AKAP8: variants seen among roughly 807,000 people sequenced by gnomAD.
AKAP8 encodes the protein A-kinase anchor protein 8.
AKAP8 carries 24 observed loss-of-function variants against 67.5 expected under a neutral mutation model. That is an observed-to-expected ratio of 0.36 (90% CI 0.26 to 0.50). The LOEUF is 0.50. Among genes scored for constraint, AKAP8 ranks in the 20% least tolerant of loss-of-function variants. The pLI is 0.97. For missense variants in AKAP8, 971 were observed against 955.9 expected (o/e 1.02, Z -0.21); for synonymous variants, 400 against 371.1 (o/e 1.08, Z -0.90).
At chr19:15,355,890 C>T (rs2048275024) in intron 13 of AKAP8, among the ~76,000 whole-genome samples, 1 of 152,058 alleles carries the variant, frequency 6.6e-6, no homozygotes, top group South Asian at 2.1e-4. Context: ...GCAGGAGCCA[C>T]CACGCCCGGC....
intron 2 of AKAP8, among the ~76,000 whole-genome samples, chr19:15,375,737 C>T (rs900961709): frequency 2.0e-5 from 3 of 151,188 alleles, no homozygotes; most frequent in South Asian, 4.2e-4. Flanking sequence ...CCTGGGTTCA[C>T]GCCATTCTCC....
chr19:15,361,682 G>A (rs1966968836), intron 11 of AKAP8, 47 bp downstream of exon 11: 1 of 1,536,328 alleles, frequency 6.5e-7, no homozygotes. Context: ...CCTGTCACAT[G>A]CCTTACTACC....
chr19:15,379,710 A>C lies in AKAP8; in HGVS notation c.19+3T>G. 1 of 1,609,652 alleles carries C rather than the reference A, an allele frequency of 6.2e-7. No individual in the cohort carries two copies. Among genetic ancestry groups the C allele is most frequent in the Middle Eastern group, 1.7e-4 (1 of 6,050 alleles). Reference sequence around the variant, plus strand: ...CGCTCCGCACCCAGCAGCCAACACAAACCTCCGTAGCCCTGGTCCATGTCT... The same window carrying C: ...CGCTCCGCACCCAGCAGCCAACACACACCTCCGTAGCCCTGGTCCATGTCT... On this transcript the variant is annotated splice_donor_region_variant and intron_variant, in intron 1 of 13. Coordinates refer to ENST00000269701, the MANE Select transcript of AKAP8 (RefSeq NM_005858.4).
rs1967175377 is a variant in AKAP8, at chr19:15,372,445, A to C, written c.862-98T>G. ...GGTTGTAGGATCAGACAACACAGGC[A>C]CAAAAGGTCTTTTCAAAAAGCAAAG... On this transcript the variant is annotated intron_variant, in intron 5 of 13. Transcript: ENST00000269701. 2.4e-5 allele frequency: 35 copies of C among 1,481,334 alleles called. No homozygotes were observed. In the South Asian group the frequency reaches 4.2e-4, roughly 18 times the overall value. The allele number at this position is 1,481,334 out of a possible 1,614,324, so 91.8% of individuals were successfully genotyped here.
Position 15,361,751 on chromosome 19 carries a change from T to A in AKAP8, c.1374A>T (p.Lys458Asn), listed in dbSNP as rs368004072. 1.9e-6 allele frequency: 3 copies of A among 1,613,744 alleles called. No homozygotes were observed. Among genetic ancestry groups the A allele is most frequent in the Non-Finnish European group, 2.5e-6 (3 of 1,179,638 alleles). The part of the protein sequence containing the change: ...RQELMEKETA[K>N]PKPDPFKGIG... ...CACCTTTGAAAGGATCTGGTTTTGGTTTTGCGGTTTCTTTCTCCATCAATT... is the reference window on the plus strand; with the variant it reads ...CACCTTTGAAAGGATCTGGTTTTGGATTTGCGGTTTCTTTCTCCATCAATT... Residue 458 changes from lysine (K) to asparagine (N), a missense_variant, in exon 11 of 14, where the codon AAA (lysine) becomes AAT (asparagine). Transcript: ENST00000269701.
chr19:15,372,470 G>A (rs1367024246), intron 5 of AKAP8, 123 bp from the exon 6 acceptor site: 4 of 1,339,898 alleles, frequency 3.0e-6, no homozygotes, highest in Non-Finnish European at 4.0e-6. Context: ...AAAAAGCAAA[G>A]AGACAACATA....
Position 15,360,934 on chromosome 19 carries a change from A to C in AKAP8, c.1441T>G (p.Cys481Gly). 6.2e-7 allele frequency: 1 copy of C among 1,613,760 alleles called. No individual in the cohort carries two copies. The highest frequency in any genetic ancestry group is 2.2e-5 in the East Asian group (1 of 44,868). The change falls in exon 12 of 14, where the codon TGC (cysteine) becomes GGC (glycine). Residue 481 changes from cysteine (C) to glycine (G), a missense_variant. Physicochemically the swap from Cys to Gly is radical, Grantham distance 159. Coordinates refer to ENST00000269701, the MANE Select transcript of AKAP8 (RefSeq NM_005858.4). The part of the protein sequence containing the change: ...HFFKKIEAAH[C>G]LACDMLIPAQ... ...GGAATTAGCATGTCGCAGGCCAGGCAGTGAGCAGCCTCGATCTTCTTGAAG... is the reference window on the plus strand; with the variant it reads ...GGAATTAGCATGTCGCAGGCCAGGCCGTGAGCAGCCTCGATCTTCTTGAAG...
At chr19:15,375,488 A>G (rs1396363329) in intron 2 of AKAP8, among the ~76,000 whole-genome samples, 1 of 152,162 alleles carries the variant, frequency 6.6e-6, no homozygotes, top group African/African-American at 2.4e-5. Context: ...TTCAATGACA[A>G]ATTTTGACAT....
chr19:15,363,483 G>A (rs1322076338), intron 9 of AKAP8, among the ~76,000 whole-genome samples: 1 of 134,450 alleles, frequency 7.4e-6, no homozygotes, highest in Non-Finnish European at 1.6e-5. Context: ...GGAGGGAGGT[G>A]GGGGGGGTCA....
intron 9 of AKAP8, among the ~76,000 whole-genome samples, chr19:15,365,089 G>C (rs1356302908): frequency 6.6e-6 from 1 of 152,206 alleles, no homozygotes; most frequent in Non-Finnish European, 1.5e-5. Flanking sequence ...CAAAGCCCCT[G>C]AGAAAACACC....
Position 15,364,108 on chromosome 19 carries a change from C to CAAA in AKAP8, c.1161-1860_1161-1858dup, listed in dbSNP as rs71176406. 1.5e-4 allele frequency among the ~76,000 whole-genome samples: 8 copies of CAAA among 52,342 alleles called. 1 individual carries two copies. Among genetic ancestry groups the CAAA allele is most frequent in the East Asian group, 1.6e-3 (2 of 1,234 alleles). The allele number at this position is 52,342 out of a possible 152,430, so 34.3% of individuals were successfully genotyped here. On this transcript the variant is annotated intron_variant, in intron 9 of 13. Transcript: ENST00000269701. The stretch of plus-strand genomic sequence containing the variant: ...AATAAATAAATAAATTGGCAGTGGG[C>CAAA]AAAAAAAAAAAAAAAAAGAAACAGG...
rs71176406 is a variant in AKAP8, at chr19:15,364,108, CA to C, written c.1161-1858del. 8.7e-3 allele frequency among the ~76,000 whole-genome samples: 455 copies of C among 52,342 alleles called. 19 individuals are homozygous for C. The highest frequency in any genetic ancestry group is 0.037 in the Middle Eastern group (2 of 54). The allele number at this position is 52,342 out of a possible 152,430, so 34.3% of individuals were successfully genotyped here. Reference sequence around the variant, plus strand: ...AATAAATAAATAAATTGGCAGTGGGCAAAAAAAAAAAAAAAAAGAAACAGGA... The same window carrying C: ...AATAAATAAATAAATTGGCAGTGGGCAAAAAAAAAAAAAAAAGAAACAGGA... On this transcript the variant is annotated intron_variant, in intron 9 of 13. Transcript: ENST00000269701.
rs200028539 is a variant in AKAP8 at position 15,373,091 on chromosome 19, G to A, written c.621C>T (p.Ser207=). 2.7e-5 allele frequency: 44 copies of A among 1,611,592 alleles called. No homozygotes were observed. Among genetic ancestry groups the A allele is most frequent in the Non-Finnish European group, 2.9e-5 (34 of 1,179,336 alleles). ...DRSNPGTFMR[S]DPFVPPAASS... is the part of the protein sequence containing the mutation. ...ACGCAGCGGGGGGCACGAAGGGGTC[G>A]CTGCGCATGAAGGTGCCAGGGTTGC... is the stretch of plus-strand genomic sequence containing the variant. Residue 207 remains serine, a synonymous_variant, in exon 5 of 14, where the codon AGC becomes AGT. Coordinates refer to ENST00000269701, the MANE Select transcript of AKAP8 (RefSeq NM_005858.4).
chr19:15,361,693 A>G, intron 11 of AKAP8, 36 bp downstream of exon 11: 1 of 1,566,614 alleles, frequency 6.4e-7, no homozygotes. Context: ...CCTTACTACC[A>G]TCCAGGAAAG....
chr19:15,363,358 G>GT (rs1360251499), intron 9 of AKAP8, among the ~76,000 whole-genome samples: 2 of 144,940 alleles, frequency 1.4e-5, no homozygotes, highest in Admixed American at 6.8e-5. Flanking sequence ...GGAGGTGGGG[G>GT]GGGGTCAGCC....
At chr19:15,372,806 A>C in intron 5 of AKAP8, 45 bp downstream of exon 5, 1 of 1,477,418 alleles carries the variant, frequency 6.8e-7, no homozygotes, top group Non-Finnish European at 9.0e-7. Context: ...AAAGCTGCTA[A>C]AAAGAGAAGC....
Position 15,354,575 on chromosome 19 carries a change from AT to A in AKAP8, c.*339del, listed in dbSNP as rs2048264767. The A allele has an allele frequency of 7.6e-6, 2 of 261,800 alleles. No individual in the cohort carries two copies. The highest frequency in any genetic ancestry group is 1.5e-5 in the Non-Finnish European group (2 of 137,312). The allele number at this position is 261,800 out of a possible 1,614,324, so 16.2% of individuals were successfully genotyped here. On this transcript the variant is annotated 3_prime_UTR_variant, in exon 14 of 14. Transcript: ENST00000269701. ...ATAAAAAAAAAAATTAAGGAAAAAA[AT>A]AAAAAAGGAAGCATTCCATCAGTGG...
Position 15,357,827 on chromosome 19 carries a change from G to A in AKAP8, c.1623+1140C>T, listed in dbSNP as rs549713747. On this transcript the variant is annotated intron_variant, in intron 13 of 13. Transcript: ENST00000269701. The stretch of plus-strand genomic sequence containing the variant: ...CTCCTGAGTAGCTGGGACCACAGGC[G>A]CATGCCACCACGCCTGGCTAATTTA... Among the ~76,000 whole-genome samples the A allele has an allele frequency of 1.1e-3, 167 of 150,352 alleles. 1 individual carries two copies. Among genetic ancestry groups the A allele is most frequent in the Admixed American group, 9.3e-3 (138 of 14,912 alleles).
intron 7 of AKAP8, 24 bp from the exon 8 acceptor site, chr19:15,370,203 C>G: frequency 6.8e-6 from 11 of 1,613,946 alleles, no homozygotes; most frequent in Non-Finnish European, 9.3e-6. Context: ...TACACAAAGT[C>G]CGGCAGTGAG....
Sources: gnomAD v4.1 joint callset for allele counts (sites outside exome capture counted in the v4.1 genomes callset) on GRCh38, gnomAD v4.1.1 for gene constraint, MANE v1.5 for transcripts, NCBI Gene and HGNC (gene_info 2026-07-23, HGNC 2026-07-21) for gene names.